The following ABCC11 variants were observed in gnomAD, a reference collection of about 807,000 sequenced individuals.
ABCC11 encodes ATP-binding cassette sub-family C member 11.
ABCC11 carries 135 observed loss-of-function variants against 149.3 expected under a neutral mutation model. The observed-to-expected ratio is 0.90, with a 90% confidence interval of 0.79 to 1.04. The LOEUF (loss-of-function observed/expected upper bound fraction) is 1.04. Ranked by LOEUF, ABCC11 falls within the 50% of genes least tolerant of loss-of-function variation. ABCC11 has a pLI of 0.00. For synonymous variants in ABCC11, 665 were observed against 671.4 expected (o/e 0.99, Z 0.15); for missense variants, 1,680 against 1,722.1 (o/e 0.98, Z 0.43).
rs533481060 is a variant in ABCC11 at position 48,236,323 on chromosome 16, T to C, written c.-18-4384A>G. On this transcript the variant is annotated intron_variant, in intron 1 of 29. Transcript: ENST00000356608. The stretch of plus-strand genomic sequence containing the variant: ...CCTCCTTGCAGAGCTGGTTCATTCT[T>C]GACATTCAGGACTCTACTCAAATGC... Among the ~76,000 whole-genome samples, 39 of 152,332 alleles carry C rather than the reference T, an allele frequency of 2.6e-4. 1 individual carries two copies. Among genetic ancestry groups the C allele is most frequent in the Non-Finnish European group, 3.8e-4 (26 of 68,028 alleles).
intron 6 of ABCC11, among the ~76,000 whole-genome samples, chr16:48,218,807 G>A (rs938921641): frequency 2.6e-5 from 4 of 152,152 alleles, no homozygotes; most frequent in Non-Finnish European, 4.4e-5. Flanking sequence ...CCCCAGCCAC[G>A]TGGAACTGTG....
intron 1 of ABCC11, among the ~76,000 whole-genome samples, chr16:48,233,708 C>T (rs1356989372): frequency 6.6e-6 from 1 of 152,194 alleles, no homozygotes; most frequent in African/African-American, 2.4e-5. Context: ...GGGGTGGAGG[C>T]AGCAAATTTC....
chr16:48,178,576 A>G (rs1234355568), intron 24 of ABCC11, 21 bp downstream of exon 24: 3 of 1,612,872 alleles, frequency 1.9e-6, no homozygotes, highest in Admixed American at 3.3e-5. Flanking sequence ...TCCCCACACC[A>G]GACCCAGACC....
intron 24 of ABCC11, 82 bp downstream of exon 24, chr16:48,178,515 G>C: frequency 7.4e-7 from 1 of 1,346,440 alleles, no homozygotes; most frequent in Non-Finnish European, 1.1e-6. Flanking sequence ...AGGGCTCTGA[G>C]GCCAGTGGGG....
At chr16:48,241,043 T>A (rs1322504425) in intron 1 of ABCC11, among the ~76,000 whole-genome samples, 1 of 152,128 alleles carries the variant, frequency 6.6e-6, no homozygotes, top group African/African-American at 2.4e-5. Flanking sequence ...TAAGCAATTA[T>A]CCTGCCTCAG....
At chr16:48,186,874 T>C in intron 22 of ABCC11, 79 bp downstream of exon 22, 7 of 1,548,646 alleles carry the variant, frequency 4.5e-6, no homozygotes, top group Non-Finnish European at 5.3e-6. Flanking sequence ...ATGATGCCAC[T>C]CCCAGACGCT....
rs143862347 is a variant in ABCC11 at position 48,199,345 on chromosome 16, T to C, written c.2082+931A>G. On this transcript the variant is annotated intron_variant, in intron 15 of 29. Transcript: ENST00000356608. Reference sequence around the variant, plus strand: ...TTGTTTAATCTGGGTGGTAGATACATGGGTTTTTATTAATTATTTTCTAAA... The same window carrying C: ...TTGTTTAATCTGGGTGGTAGATACACGGGTTTTTATTAATTATTTTCTAAA... Among the ~76,000 whole-genome samples the C allele has an allele frequency of 4.1e-3, 617 of 152,058 alleles. 1 individual carries two copies. Among genetic ancestry groups the C allele is most frequent in the African/African-American group, 0.015 (602 of 41,502 alleles).
In ABCC11 at chr16:48,189,831, A is replaced by G. The variant is rs554558216; in HGVS notation, c.2707-2404T>C. ...GGGAAAAGCTTTGTCTCACCCTGCC[A>G]AAGTTGAAACACTTCATGGCAACAC... On this transcript the variant is annotated intron_variant, in intron 20 of 29. Transcript: ENST00000356608. Among the ~76,000 whole-genome samples the G allele has an allele frequency of 5.3e-5, 8 of 152,300 alleles. No individual in the cohort carries two copies. In the South Asian group the frequency reaches 1.7e-3, roughly 32 times the overall value.
At chr16:48,190,407 C>T (rs1966867088) in intron 20 of ABCC11, among the ~76,000 whole-genome samples, 1 of 151,908 alleles carries the variant, frequency 6.6e-6, no homozygotes, top group African/African-American at 2.4e-5. Flanking sequence ...GTCTCCCAGG[C>T]TGGAGTGCAG....
chr16:48,191,162 T>G (rs1057515352), intron 20 of ABCC11, among the ~76,000 whole-genome samples: 2 of 152,234 alleles, frequency 1.3e-5, no homozygotes, highest in Non-Finnish European at 2.9e-5. Flanking sequence ...TGGATATTCA[T>G]TAATAATAGT....
intron 27 of ABCC11, among the ~76,000 whole-genome samples, 171 bp from the exon 28 acceptor site, chr16:48,170,389 T>C (rs1965637966): frequency 6.6e-6 from 1 of 152,178 alleles, no homozygotes; most frequent in African/African-American, 2.4e-5. Flanking sequence ...TCTCTGGGCC[T>C]TTGCATACGC....
chr16:48,219,994 A>G (rs546779913), intron 6 of ABCC11, among the ~76,000 whole-genome samples: 1 of 152,360 alleles, frequency 6.6e-6, no homozygotes, highest in East Asian at 1.9e-4. Flanking sequence ...AAATAAATTA[A>G]TTAATTGAAT....
chr16:48,241,136 A>G (rs908636805), intron 1 of ABCC11, among the ~76,000 whole-genome samples: 1 of 152,138 alleles, frequency 6.6e-6, no homozygotes, highest in Non-Finnish European at 1.5e-5. Flanking sequence ...GGATTTCACC[A>G]TGTTAGCCAG....
At position 48,205,456 on chromosome 16, in the gene ABCC11, T is replaced by A; in HGVS notation, c.1762A>T (p.Ile588Phe). 1 of 1,614,184 alleles carries A rather than the reference T, an allele frequency of 6.2e-7. No individual in the cohort carries two copies. The highest frequency in any genetic ancestry group is 8.5e-7 in the Non-Finnish European group (1 of 1,180,024). Residue 588 changes from isoleucine (I) to phenylalanine (F), a missense_variant, in exon 13 of 30, where the codon ATC becomes TTC. Coordinates refer to ENST00000356608, the MANE Select transcript of ABCC11 (RefSeq NM_001370497.1). ...PQQAWIVSGN[I>F]RENILMGGAY... is the part of the protein sequence containing the mutation. ...CCTCCCATGAGGATGTTCTCCCTGATGTTCCCGCTGACGATCCAGGCCTGC... is the reference window on the plus strand; with the variant it reads ...CCTCCCATGAGGATGTTCTCCCTGAAGTTCCCGCTGACGATCCAGGCCTGC...
intron 23 of ABCC11, among the ~76,000 whole-genome samples, chr16:48,182,325 G>A (rs1216859636): frequency 6.6e-5 from 10 of 152,152 alleles, no homozygotes; most frequent in Admixed American, 6.5e-4. Flanking sequence ...TGGACATTCA[G>A]AGAGCTATGT....
At chr16:48,230,667 T>C (rs1970368489) in intron 2 of ABCC11, 94 bp from the exon 3 acceptor site, 1 of 1,320,296 alleles carries the variant, frequency 7.6e-7, no homozygotes, top group Admixed American at 3.0e-5. Flanking sequence ...GAAATGGATT[T>C]TTCCATATCC....
At chr16:48,167,816 T>A (rs1409517997) in intron 28 of ABCC11, among the ~76,000 whole-genome samples, 156 bp from the exon 29 acceptor site, 1 of 152,192 alleles carries the variant, frequency 6.6e-6, no homozygotes, top group African/African-American at 2.4e-5. Context: ...CAAAGCCCGC[T>A]CTGATTGCTG....
chr16:48,172,436 T>C (rs1348782272), intron 26 of ABCC11, among the ~76,000 whole-genome samples: 1 of 151,832 alleles, frequency 6.6e-6, no homozygotes, highest in Admixed American at 6.6e-5. Flanking sequence ...ACTTTTTTTT[T>C]TTTTTTTTTG....
At chr16:48,244,767 A>G in intron 1 of ABCC11, 1 of 494,694 alleles carries the variant, frequency 2.0e-6, no homozygotes, top group Non-Finnish European at 3.3e-6. Context: ...TATCACTTGC[A>G]AAATGGGGAT....
Sources: allele counts gnomAD v4.1 joint callset (sites outside exome capture counted in the v4.1 genomes callset), GRCh38; gene constraint gnomAD v4.1.1; transcripts MANE v1.5; gene names NCBI Gene and HGNC (gene_info 2026-07-23, HGNC 2026-07-21).